Variants in FGF14 observed in about 807,000 individuals in gnomAD.
FGF14 encodes the protein fibroblast growth factor 14, also known as fibroblast growth factor homologous factor 4.
A neutral mutation model predicts 25.5 loss-of-function variants in FGF14; 5 were observed. The ratio of observed to expected loss-of-function variants is 0.20; its 90% CI spans 0.10 to 0.41. The LOEUF (loss-of-function observed/expected upper bound fraction) is 0.41. Among genes scored for constraint, FGF14 ranks in the 10% least tolerant of loss-of-function variants. The pLI is 1.00. For missense variants in FGF14, 222 were observed against 320.1 expected (o/e 0.69, Z 2.34); for synonymous variants, 138 against 118.3 (o/e 1.17, Z -1.08).
In FGF14 at chr13:102,005,463, C is replaced by G. The variant is rs577656910; in HGVS notation, c.209-130167G>C. On this transcript the variant is annotated intron_variant, in intron 1 of 4. Transcript: ENST00000376131. ...TCTTTTTCTTTCCACAGAGCAGGAA[C>G]AGTGCCAGTTCACAGATCTCTCCAA... Among the ~76,000 whole-genome samples the G allele has an allele frequency of 4.6e-5, 7 of 152,320 alleles. No homozygotes were observed. The South Asian group carries it at 1.5e-3, about 32-fold the overall frequency.
At chr13:101,823,228 T>C (rs1328849470) in intron 3 of FGF14, among the ~76,000 whole-genome samples, 1 of 152,022 alleles carries the variant, frequency 6.6e-6, no homozygotes, top group East Asian at 1.9e-4. Context: ...GTCTAGGAGT[T>C]GAATTGCTGG....
At chr13:101,986,692 A>G (rs1276113434) in intron 1 of FGF14, among the ~76,000 whole-genome samples, 3 of 152,120 alleles carry the variant, frequency 2.0e-5, no homozygotes, top group East Asian at 3.9e-4. Flanking sequence ...TACTTCAGAA[A>G]ACACATTACC....
intron 1 of FGF14, among the ~76,000 whole-genome samples, chr13:102,161,596 A>C (rs1161823288): frequency 4.6e-4 from 2 of 4,364 alleles, no homozygotes; most frequent in Admixed American, 2.6e-3. Flanking sequence ...GAAGAAGAAG[A>C]AGAAGAAGAA....
At position 101,712,517 on chromosome 13, in the gene FGF14, T is replaced by C. The variant is rs2034516030; in HGVS notation, c.*10314A>G. On this transcript the variant is annotated 3_prime_UTR_variant, in exon 5 of 5. Transcript: ENST00000376143. ...GATGAAATATAAGATATTTCATGAA[T>C]TGTGACATATATAAAATGATATCCT... 6.6e-6 allele frequency: 1 copy of C among 152,152 alleles called. No individual in the cohort carries two copies. Among genetic ancestry groups the C allele is most frequent in the Non-Finnish European group, 1.5e-5 (1 of 68,032 alleles). The allele number at this position is 152,152 out of a possible 1,614,324, so 9.4% of individuals were successfully genotyped here. A position where few individuals can be genotyped will look rare whatever the true frequency, so the allele number is the denominator to read the frequency against.
intron 1 of FGF14, among the ~76,000 whole-genome samples, chr13:102,212,018 C>T (rs2050181674): frequency 2.0e-5 from 3 of 152,048 alleles, no homozygotes; most frequent in African/African-American, 7.2e-5. Context: ...AGTTGTTTTC[C>T]GAAAGAGCAC....
intron 1 of FGF14, among the ~76,000 whole-genome samples, chr13:102,039,261 T>C (rs774033885): frequency 6.6e-6 from 1 of 152,206 alleles, no homozygotes; most frequent in African/African-American, 2.4e-5. Flanking sequence ...AAGATAACTT[T>C]CTTTTTCTTT....
chr13:101,946,448 C>T (rs957461978), intron 1 of FGF14, among the ~76,000 whole-genome samples: 6 of 150,168 alleles, frequency 4.0e-5, no homozygotes, highest in Non-Finnish European at 8.9e-5. Flanking sequence ...AATTCCAAAT[C>T]AAACTGTCTT....
At chr13:101,845,901 C>T (rs1011411125) in intron 3 of FGF14, among the ~76,000 whole-genome samples, 4 of 151,910 alleles carry the variant, frequency 2.6e-5, no homozygotes, top group Non-Finnish European at 4.4e-5. Flanking sequence ...GGGCTCAGTG[C>T]ATATAACTAT....
chr13:101,931,951 T>C (rs1466741128), intron 1 of FGF14, among the ~76,000 whole-genome samples: 1 of 152,236 alleles, frequency 6.6e-6, no homozygotes, highest in Admixed American at 6.5e-5. Context: ...AAAGGTTCTC[T>C]GGGGATGGGT....
In FGF14 at chr13:101,925,197, T is replaced by C. The variant is rs79565374; in HGVS notation, c.209-49901A>G. Among the ~76,000 whole-genome samples, 588 of 152,298 alleles carry C rather than the reference T, an allele frequency of 3.9e-3. 2 individuals carry two copies. The highest frequency in any genetic ancestry group is 0.017 in the Middle Eastern group (5 of 294). On this transcript the variant is annotated intron_variant, in intron 1 of 4. Coordinates refer to the FGF14 transcript ENST00000376131. ...ATAAAAATTGCCTCTAATCCCAACA[T>C]TCAAATGTTTTGGTATATTTTTCCA... is the stretch of plus-strand genomic sequence containing the variant.
At chr13:102,378,450 C>A (rs879484134) in intron 1 of FGF14, among the ~76,000 whole-genome samples, 1 of 151,916 alleles carries the variant, frequency 6.6e-6, no homozygotes, top group Admixed American at 6.6e-5. Context: ...AAATACTATA[C>A]AAATAAAAAT....
chr13:102,282,666 T>A (rs1376293309), intron 1 of FGF14, among the ~76,000 whole-genome samples: 1 of 152,128 alleles, frequency 6.6e-6, no homozygotes, highest in Non-Finnish European at 1.5e-5. Flanking sequence ...CCCACATACC[T>A]ATGAAGCCCA....
chr13:101,725,034 A>G (rs1395562744), intron 4 of FGF14, among the ~76,000 whole-genome samples: 3 of 152,008 alleles, frequency 2.0e-5, no homozygotes, highest in African/African-American at 7.2e-5. Flanking sequence ...AAATGACATA[A>G]CAGCCCTTTT....
chr13:101,905,545 C>A (rs1417902108), intron 1 of FGF14, among the ~76,000 whole-genome samples: 5 of 151,874 alleles, frequency 3.3e-5, no homozygotes, highest in African/African-American at 9.7e-5. Context: ...CACGCTGGGG[C>A]CTGTTGGGAG....
At chr13:101,845,044 C>T (rs1349619080) in intron 3 of FGF14, among the ~76,000 whole-genome samples, 1 of 151,954 alleles carries the variant, frequency 6.6e-6, no homozygotes, top group Non-Finnish European at 1.5e-5. Flanking sequence ...AAGGACTTGT[C>T]CTACAAGATA....
chr13:102,132,768 G>A (rs961371127), intron 1 of FGF14, among the ~76,000 whole-genome samples: 9 of 151,992 alleles, frequency 5.9e-5, no homozygotes, highest in Non-Finnish European at 1.2e-4. Flanking sequence ...CAATCCACCC[G>A]CCTCAGCCTC....
At chr13:101,981,518 T>G (rs912933207) in intron 1 of FGF14, among the ~76,000 whole-genome samples, 10 of 152,162 alleles carry the variant, frequency 6.6e-5, no homozygotes, top group African/African-American at 2.4e-4. Flanking sequence ...AGACAACATG[T>G]GGCAGACATG....
intron 1 of FGF14, among the ~76,000 whole-genome samples, chr13:102,230,810 A>C (rs552892759): frequency 1.3e-5 from 2 of 152,328 alleles, no homozygotes; most frequent in Non-Finnish European, 2.9e-5. Flanking sequence ...ATTGGAAAAA[A>C]ATGCAATAAT....
intron 1 of FGF14, among the ~76,000 whole-genome samples, chr13:101,986,619 G>T (rs1010715533): frequency 2.0e-5 from 3 of 152,124 alleles, no homozygotes; most frequent in Non-Finnish European, 4.4e-5. Flanking sequence ...CCTTAAAAAT[G>T]AGGCTTAGAA....
Sources: allele counts gnomAD v4.1 joint callset (sites outside exome capture counted in the v4.1 genomes callset), GRCh38; gene constraint gnomAD v4.1.1; transcripts MANE v1.5; gene names NCBI Gene and HGNC (gene_info 2026-07-23, HGNC 2026-07-21).